PTPRG: variants seen among roughly 807,000 people sequenced by gnomAD.
PTPRG encodes the protein protein tyrosine phosphatase receptor type G.
A neutral mutation model predicts 165.3 loss-of-function variants in PTPRG; 102 were observed. The observed-to-expected ratio is 0.62, with a 90% CI of 0.53 to 0.73. The LOEUF is 0.73. Ranked by LOEUF, PTPRG falls within the 30% of genes least tolerant of loss-of-function variation. PTPRG has a pLI of 0.00. For synonymous variants in PTPRG, 675 were observed against 669.5 expected, an observed-to-expected ratio of 1.01 and a Z score of -0.13; for missense variants, 1,866 against 1,861.4, an observed-to-expected ratio of 1.00 and a Z score of -0.05.
At chr3:61,780,633 C>T (rs914432422) in intron 2 of PTPRG, among the ~76,000 whole-genome samples, 2 of 152,180 alleles carry the variant, frequency 1.3e-5, no homozygotes, top group African/African-American at 4.8e-5. Context: ...TCTTCCCTGA[C>T]AGCAGTGTCT....
chr3:62,181,446 T>C (rs1377567676), intron 8 of PTPRG, among the ~76,000 whole-genome samples: 1 of 152,188 alleles, frequency 6.6e-6, no homozygotes, highest in Non-Finnish European at 1.5e-5. Context: ...AAGCCTCCTT[T>C]TTTCCTCTTT....
intron 4 of PTPRG, among the ~76,000 whole-genome samples, chr3:62,066,947 A>G (rs1229248742): frequency 6.6e-6 from 1 of 150,764 alleles, no homozygotes; most frequent in Non-Finnish European, 1.5e-5. Flanking sequence ...CGGAGGCAGG[A>G]GAATCACCTG....
At chr3:61,762,295 G>T (rs566317826) in intron 2 of PTPRG, among the ~76,000 whole-genome samples, 2 of 152,032 alleles carry the variant, frequency 1.3e-5, no homozygotes, top group Admixed American at 6.6e-5. Flanking sequence ...AAGGCCAATT[G>T]AGCTGCATAC....
intron 14 of PTPRG, among the ~76,000 whole-genome samples, chr3:62,235,080 T>C (rs553371620): frequency 6.6e-6 from 1 of 151,974 alleles, no homozygotes; most frequent in East Asian, 1.9e-4. Flanking sequence ...AAATAAGGAG[T>C]TGCCAAGAGG....
At chr3:62,202,466 T>C (rs941183275) in intron 11 of PTPRG, among the ~76,000 whole-genome samples, 9 of 152,188 alleles carry the variant, frequency 5.9e-5, no homozygotes, top group African/African-American at 2.2e-4. Context: ...TAATTGGAAT[T>C]CTTGTTATTG....
intron 1 of PTPRG, among the ~76,000 whole-genome samples, chr3:61,655,879 T>G (rs1702495712): frequency 6.6e-6 from 1 of 152,212 alleles, no homozygotes; most frequent in East Asian, 1.9e-4. Flanking sequence ...ATTGTGAAAC[T>G]GTGTCTGGCC....
At chr3:62,248,397 C>T (rs561643065) in intron 15 of PTPRG, among the ~76,000 whole-genome samples, 96 of 152,152 alleles carry the variant, frequency 6.3e-4, no homozygotes, top group African/African-American at 2.0e-3. Flanking sequence ...CCCATTGTTT[C>T]GGTGTGAGGA....
chr3:61,782,935 T>TG (rs1467441122), intron 2 of PTPRG, among the ~76,000 whole-genome samples: 1 of 152,076 alleles, frequency 6.6e-6, no homozygotes, highest in Non-Finnish European at 1.5e-5. Flanking sequence ...CCTAAGTAAT[T>TG]GGGACTACAG....
chr3:61,795,514 C>T (rs954565584), intron 2 of PTPRG, among the ~76,000 whole-genome samples: 40 of 151,824 alleles, frequency 2.6e-4, no homozygotes, highest in African/African-American at 8.2e-4. Context: ...GTGGTAGGTA[C>T]CTGTAATCCC....
chr3:61,678,977 C>T lies in PTPRG; in HGVS notation c.86-69901C>T, dbSNP rs1703333420. Among the ~76,000 whole-genome samples the T allele has an allele frequency of 2.0e-5, 3 of 151,478 alleles. No individual in the cohort carries two copies. The South Asian group carries it at 6.3e-4, about 32-fold the overall frequency. On this transcript the variant is annotated intron_variant, in intron 1 of 29. Transcript: ENST00000474889. Reference sequence around the variant, plus strand: ...CATTTCTGCAATAATGGCTTTTTTTCCCCCCGTTAAGTGACGACAGTCATC... The same window carrying T: ...CATTTCTGCAATAATGGCTTTTTTTTCCCCCGTTAAGTGACGACAGTCATC...
intron 2 of PTPRG, among the ~76,000 whole-genome samples, chr3:61,885,193 CGGTAAA>C (rs1559668760): frequency 7.2e-5 from 11 of 151,850 alleles, no homozygotes; most frequent in Non-Finnish European, 1.3e-4. Context: ...GATCATATAA[CGGTAAA>C]CTATGACAGT....
intron 1 of PTPRG, among the ~76,000 whole-genome samples, chr3:61,662,158 C>A (rs564850174): frequency 1.1e-4 from 16 of 152,142 alleles, no homozygotes; most frequent in Non-Finnish European, 2.2e-4. Context: ...TCCACAAAAT[C>A]TTTTTTCAGA....
chr3:61,665,972 C>T (rs916999972), intron 1 of PTPRG, among the ~76,000 whole-genome samples: 3 of 131,516 alleles, frequency 2.3e-5, no homozygotes, highest in African/African-American at 8.2e-5. Context: ...TAGCTCTTAA[C>T]GCCTTTTTAC....
At chr3:61,880,643 A>AC (rs1463792924) in intron 2 of PTPRG, among the ~76,000 whole-genome samples, 1 of 150,096 alleles carries the variant, frequency 6.7e-6, no homozygotes, top group African/African-American at 2.5e-5. Flanking sequence ...AAAAAAAAAA[A>AC]AGAGAGAGAC....
At chr3:62,116,242 C>G (rs1334900864) in intron 5 of PTPRG, among the ~76,000 whole-genome samples, 1 of 152,134 alleles carries the variant, frequency 6.6e-6, no homozygotes, top group African/African-American at 2.4e-5. Flanking sequence ...GAAAATCCAT[C>G]TAGTATCAGG....
At chr3:62,204,338 G>C (rs975019496) in intron 12 of PTPRG, among the ~76,000 whole-genome samples, 6 of 152,164 alleles carry the variant, frequency 3.9e-5, no homozygotes, top group Non-Finnish European at 8.8e-5. Context: ...GGACTGGGCA[G>C]GGTGCTGTCC....
chr3:61,886,357 CA>C lies in PTPRG; in HGVS notation c.191-103266del, dbSNP rs1328707643. ...CTTTCTGCATTGAGTTTTCAAGTCT[CA>C]ATGACTACCTAGTAGTTCATTTACT... On this transcript the variant is annotated intron_variant, in intron 2 of 29. Coordinates refer to ENST00000474889, the MANE Select transcript of PTPRG (RefSeq NM_002841.4). Among the ~76,000 whole-genome samples the C allele has an allele frequency of 6.6e-5, 10 of 152,270 alleles. No individual in the cohort carries two copies. The East Asian group carries it at 1.9e-3, about 29-fold the overall frequency.
chr3:61,873,683 G>C (rs1362870026), intron 2 of PTPRG, among the ~76,000 whole-genome samples: 1 of 152,114 alleles, frequency 6.6e-6, no homozygotes, highest in Non-Finnish European at 1.5e-5. Flanking sequence ...GGGAGGGGTA[G>C]TTTTTGTCCA....
At chr3:61,577,276 T>C (rs536647476) in intron 1 of PTPRG, among the ~76,000 whole-genome samples, 1 of 152,326 alleles carries the variant, frequency 6.6e-6, no homozygotes, top group Admixed American at 6.5e-5. Context: ...TACCAAGTAC[T>C]CGGATGACAT....
Sources: allele counts gnomAD v4.1 joint callset (sites outside exome capture counted in the v4.1 genomes callset), GRCh38; gene constraint gnomAD v4.1.1; transcripts MANE v1.5; gene names NCBI Gene and HGNC (gene_info 2026-07-23, HGNC 2026-07-21).